DRC1: variants seen among roughly 807,000 people sequenced by gnomAD.
DRC1 encodes the protein dynein regulatory complex subunit 1, also known as dynein regulatory complex protein 1.
DRC1 carries 74 observed loss-of-function variants against 98.7 expected under a neutral mutation model. The ratio of observed to expected loss-of-function variants is 0.75; its 90% CI spans 0.62 to 0.91. The LOEUF (loss-of-function observed/expected upper bound fraction) is 0.91. DRC1 is among the 40% of genes least tolerant of loss of function. DRC1 has a pLI of 0.00. For synonymous variants in DRC1, 336 were observed against 334.1 expected (o/e 1.01, Z -0.06); for missense variants, 875 against 886.0 (o/e 0.99, Z 0.16).
chr2:26,428,670 C>T (rs1338197998), intron 4 of DRC1, among the ~76,000 whole-genome samples: 1 of 152,010 alleles, frequency 6.6e-6, no homozygotes, highest in Admixed American at 6.5e-5. Context: ...TAGTGATGGG[C>T]GCCTGTAGTC....
At chr2:26,446,853 AG>A (rs1663864813) in intron 10 of DRC1, among the ~76,000 whole-genome samples, 1 of 152,208 alleles carries the variant, frequency 6.6e-6, no homozygotes, top group Non-Finnish European at 1.5e-5. Context: ...GCACTTTGGG[AG>A]GCCAAGGCGC....
intron 1 of DRC1, among the ~76,000 whole-genome samples, chr2:26,402,546 A>C (rs1308955996): frequency 6.6e-6 from 1 of 152,198 alleles, no homozygotes; most frequent in Non-Finnish European, 1.5e-5. Flanking sequence ...TTCTTGTTCC[A>C]GGCACCACTC....
At chr2:26,438,579 A>T (rs1663633884) in intron 7 of DRC1, among the ~76,000 whole-genome samples, 2 of 152,122 alleles carry the variant, frequency 1.3e-5, no homozygotes, top group African/African-American at 4.8e-5. Context: ...GAGATGAAAA[A>T]ATCTCTGCCA....
At chr2:26,440,319 T>TGTGTG in intron 7 of DRC1, 59 bp from the exon 8 acceptor site, 1 of 1,266,568 alleles carries the variant, frequency 7.9e-7, no homozygotes, top group Non-Finnish European at 1.0e-6. Flanking sequence ...GTTAGTGTGT[T>TGTGTG]TGTGTGTGTG....
At chr2:26,419,149 A>C (rs1458385807) in intron 2 of DRC1, among the ~76,000 whole-genome samples, 2 of 152,028 alleles carry the variant, frequency 1.3e-5, no homozygotes, top group African/African-American at 4.8e-5. Flanking sequence ...TTGGCCTCCC[A>C]AATTGCTGGG....
rs553221967 is a variant in DRC1 at position 26,443,991 on chromosome 2, A to G, written c.1029-231A>G. ...AGTAGGAGGCTGCCTCTTGGTGGGAATGGGCTCTGGATTGTTTTCAATGCG... is the reference window on the plus strand; with the variant it reads ...AGTAGGAGGCTGCCTCTTGGTGGGAGTGGGCTCTGGATTGTTTTCAATGCG... On this transcript the variant is annotated intron_variant, in intron 8 of 16. Coordinates refer to ENST00000288710, the MANE Select transcript of DRC1 (RefSeq NM_145038.5). 2.0e-5 allele frequency among the ~76,000 whole-genome samples: 3 copies of G among 152,202 alleles called. No individual in the cohort carries two copies. The South Asian group carries it at 6.2e-4, about 32-fold the overall frequency.
At chr2:26,448,445 T>G (rs898791014) in intron 10 of DRC1, 1 of 649,502 alleles carries the variant, frequency 1.5e-6, no homozygotes, top group African/African-American at 1.8e-5. Context: ...TTTGGAAAAG[T>G]AGGGCATTAC....
intron 8 of DRC1, among the ~76,000 whole-genome samples, chr2:26,442,486 C>A (rs1319690715): frequency 6.6e-6 from 1 of 152,148 alleles, no homozygotes; most frequent in African/African-American, 2.4e-5. Context: ...TTTGGTGGTT[C>A]TGCTTTTCCT....
At chr2:26,416,492 C>T (rs1235856758) in intron 2 of DRC1, among the ~76,000 whole-genome samples, 1 of 152,162 alleles carries the variant, frequency 6.6e-6, no homozygotes, top group African/African-American at 2.4e-5. Flanking sequence ...CCTTTGTCTA[C>T]TTCATATTTA....
At chr2:26,449,970 G>A (rs1450423369) in intron 11 of DRC1, 26 bp from the exon 12 acceptor site, 1 of 1,610,340 alleles carries the variant, frequency 6.2e-7, no homozygotes, top group Non-Finnish European at 8.5e-7. Flanking sequence ...GTCCCCGACA[G>A]GAGATGCCTT....
chr2:26,430,628 C>T, intron 5 of DRC1, 158 bp from the exon 6 acceptor site: 1 of 778,054 alleles, frequency 1.3e-6, no homozygotes, highest in Non-Finnish European at 2.4e-6. Context: ...CCTTCCATAG[C>T]CATTTGGTCT....
At chr2:26,451,622 T>C (rs1246946852) in intron 13 of DRC1, among the ~76,000 whole-genome samples, 1 of 148,148 alleles carries the variant, frequency 6.8e-6, no homozygotes, top group East Asian at 1.9e-4. Flanking sequence ...CATGATGAGG[T>C]TGAGGCTGCA....
At chr2:26,418,585 TTATA>T (rs1426861049) in intron 2 of DRC1, among the ~76,000 whole-genome samples, 1 of 98,750 alleles carries the variant, frequency 1.0e-5, no homozygotes, top group Non-Finnish European at 1.8e-5. Flanking sequence ...TATATATAAA[TTATA>T]TATAATTTAT....
chr2:26,456,225 C>T (rs181728735), intron 16 of DRC1, among the ~76,000 whole-genome samples: 21 of 152,202 alleles, frequency 1.4e-4, no homozygotes, highest in South Asian at 6.2e-4. Context: ...AGAGAATGGA[C>T]GGGCGGGAGA....
intron 5 of DRC1, among the ~76,000 whole-genome samples, chr2:26,430,329 G>A (rs902405214): frequency 5.3e-5 from 8 of 152,044 alleles, no homozygotes; most frequent in Non-Finnish European, 8.8e-5. Context: ...CCAAGAAGGT[G>A]GAGGCCTCTC....
At chr2:26,418,163 A>C (rs1678875800) in intron 2 of DRC1, among the ~76,000 whole-genome samples, 1 of 151,970 alleles carries the variant, frequency 6.6e-6, no homozygotes. Flanking sequence ...ACTGAGTCCG[A>C]TGGGAGCCAA....
intron 5 of DRC1, among the ~76,000 whole-genome samples, chr2:26,430,309 T>A (rs1663398423): frequency 6.6e-6 from 1 of 152,096 alleles, no homozygotes; most frequent in Non-Finnish European, 1.5e-5. Flanking sequence ...CTTTCCAAGA[T>A]GGAAGAGAGC....
intron 1 of DRC1, among the ~76,000 whole-genome samples, chr2:26,409,331 T>G (rs570333631): frequency 4.1e-4 from 62 of 152,344 alleles, no homozygotes; most frequent in African/African-American, 1.4e-3. Flanking sequence ...TCCAAATGGC[T>G]AGGGACTTAG....
chr2:26,406,813 C>CTTTTTTTTT (rs5830010), intron 1 of DRC1, among the ~76,000 whole-genome samples: 7 of 101,600 alleles, frequency 6.9e-5, no homozygotes, highest in Non-Finnish European at 1.1e-4. Context: ...TGTCACTTTC[C>CTTTTTTTTT]TTTTTTTTTT....
Sources: allele counts gnomAD v4.1 joint callset (sites outside exome capture counted in the v4.1 genomes callset), GRCh38; gene constraint gnomAD v4.1.1; transcripts MANE v1.5; gene names NCBI Gene and HGNC (gene_info 2026-07-23, HGNC 2026-07-21).